ADGRD1: variants seen among roughly 807,000 people sequenced by gnomAD.
The protein encoded by ADGRD1 is adhesion G protein-coupled receptor D1, also known as G-protein coupled receptor 133.
ADGRD1 carries 77 observed loss-of-function variants against 113.4 expected under a neutral mutation model. That is an observed-to-expected ratio of 0.68 (90% confidence interval 0.57 to 0.82). The LOEUF (loss-of-function observed/expected upper bound fraction) is 0.82, where lower values mean the gene tolerates loss of function less well. Ranked by LOEUF, ADGRD1 falls within the 40% of genes least tolerant of loss-of-function variation. The pLI is 0.00. For missense variants in ADGRD1, 1,036 were observed against 1,139.1 expected, an observed-to-expected ratio of 0.91 and a Z score of 1.30; for synonymous variants, 474 against 475.0, an observed-to-expected ratio of 1.00 and a Z score of 0.03.
intron 15 of ADGRD1, among the ~76,000 whole-genome samples, chr12:131,092,557 A>G (rs914187459): frequency 1.3e-5 from 2 of 152,006 alleles, no homozygotes; most frequent in Non-Finnish European, 2.9e-5. Context: ...GCAGGTGGCC[A>G]CTTCCTCCCA....
chr12:131,015,229 C>G (rs575410781), intron 13 of ADGRD1, among the ~76,000 whole-genome samples: 11 of 152,354 alleles, frequency 7.2e-5, no homozygotes, highest in Admixed American at 2.0e-4. Flanking sequence ...TGGGAGGGGC[C>G]CACACACTTG....
At position 130,992,296 on chromosome 12, in the gene ADGRD1, C is replaced by A. The variant is rs1388473909; in HGVS notation, c.870C>A (p.Phe290Leu). The stretch of plus-strand genomic sequence containing the variant: ...ACCTGACAGAAGAGAGAAAAACCTT[C>A]CAAAGTCCCGGAGTGATACTGAGTT... ...ITNLTEERKTFQSPGVILSYL... is the reference protein window; with the variant it reads ...ITNLTEERKTLQSPGVILSYL... The change falls in exon 8 of 25, where the codon TTC (phenylalanine) becomes TTA (leucine). Residue 290 changes from phenylalanine to leucine, a missense_variant. Physicochemically the swap from Phe to Leu is conservative, Grantham distance 22. Coordinates refer to ENST00000261654, the MANE Select transcript of ADGRD1 (RefSeq NM_198827.5). The A allele has an allele frequency of 2.5e-6, 4 of 1,613,578 alleles. No homozygotes were observed. In the East Asian group the frequency reaches 8.9e-5, roughly 36 times the overall value.
intron 13 of ADGRD1, among the ~76,000 whole-genome samples, chr12:131,032,029 C>T (rs12315509): frequency 0.11 from 16,585 of 152,224 alleles, 1,248 homozygotes; most frequent in Non-Finnish European, 0.16. Flanking sequence ...GGGTTCCTGC[C>T]GCTGTGCCCC....
At chr12:131,080,762 A>G (rs1886003015) in intron 14 of ADGRD1, among the ~76,000 whole-genome samples, 1 of 152,072 alleles carries the variant, frequency 6.6e-6, no homozygotes, top group Admixed American at 6.5e-5. Context: ...CTGGGACTAC[A>G]GGCGCCCGCC....
chr12:130,997,952 C>T (rs936571269), intron 8 of ADGRD1, among the ~76,000 whole-genome samples: 7 of 152,176 alleles, frequency 4.6e-5, no homozygotes, highest in Admixed American at 6.5e-5. Context: ...CTGCAATCCC[C>T]GCACCTCCGG....
chr12:131,074,772 C>T (rs1885450236), intron 13 of ADGRD1, among the ~76,000 whole-genome samples: 1 of 152,166 alleles, frequency 6.6e-6, no homozygotes, highest in Non-Finnish European at 1.5e-5. Flanking sequence ...GTGATGGAAC[C>T]TCTGACGATG....
At chr12:131,032,170 C>G (rs1593078769) in intron 13 of ADGRD1, among the ~76,000 whole-genome samples, 1 of 121,244 alleles carries the variant, frequency 8.2e-6, no homozygotes, top group African/African-American at 2.6e-5. Context: ...AGGGCTCCCC[C>G]AGGCTCTACT....
chr12:131,003,052 G>A lies in ADGRD1; in HGVS notation c.1027-133G>A. 2 of 779,478 alleles carry A rather than the reference G, an allele frequency of 2.6e-6. No homozygotes were observed. The highest frequency in any genetic ancestry group is 3.6e-5 in the Admixed American group (2 of 56,328). 48.3% of individuals were successfully genotyped at this position (779,478 alleles called of 1,614,324 possible). On this transcript the variant is annotated intron_variant, in intron 9 of 24. Transcript: ENST00000261654. The surrounding 1 kb of genome is among the most constrained non-coding windows in gnomAD (Gnocchi z 4.8). ...TGGTCCCCTCCTGATCCATGGGAAG[G>A]GGCAGTTGTGTGACTTCTTCCTCCC... is the stretch of plus-strand genomic sequence containing the variant.
At chr12:131,015,108 G>C (rs553288218) in intron 13 of ADGRD1, among the ~76,000 whole-genome samples, 3 of 152,376 alleles carry the variant, frequency 2.0e-5, no homozygotes, top group Admixed American at 2.0e-4. Flanking sequence ...TTCCTGGCAG[G>C]ATTTTCTATT....
At chr12:131,077,441 G>C (rs948908481) in intron 14 of ADGRD1, among the ~76,000 whole-genome samples, 1 of 152,144 alleles carries the variant, frequency 6.6e-6, no homozygotes, top group East Asian at 1.9e-4. Context: ...GTCTCCTCCC[G>C]CCCTCCTAGC....
intron 24 of ADGRD1, 47 bp from the exon 25 acceptor site, chr12:131,139,121 C>T (rs777967172): frequency 6.8e-7 from 1 of 1,464,574 alleles, no homozygotes; most frequent in Non-Finnish European, 9.5e-7. Context: ...TTATGGCTCT[C>T]CCCCTGGGAG....
intron 24 of ADGRD1, among the ~76,000 whole-genome samples, chr12:131,138,478 G>T (rs1199961635): frequency 6.6e-6 from 1 of 152,160 alleles, no homozygotes; most frequent in Non-Finnish European, 1.5e-5. Context: ...GTTCACTTAG[G>T]GATGGAAGGA....
In ADGRD1 at chr12:130,966,992, A is replaced by G. The variant is rs1211416019; in HGVS notation, c.187+446A>G. 1 of 453,498 alleles carries G rather than the reference A, an allele frequency of 2.2e-6. No homozygotes were observed. Among genetic ancestry groups the G allele is most frequent in the Non-Finnish European group, 4.5e-6 (1 of 224,586 alleles). The allele number at this position is 453,498 out of a possible 1,614,324, so 28.1% of individuals were successfully genotyped here. A position where few individuals can be genotyped will look rare whatever the true frequency, so the allele number is the denominator to read the frequency against. ...AATGGGAGAATTTCTGATTCAAAAT[A>G]TGATTAAAATGTGCATTTTCCCCAA... is the stretch of plus-strand genomic sequence containing the variant. On this transcript the variant is annotated intron_variant, in intron 3 of 24. Coordinates refer to ENST00000261654, the MANE Select transcript of ADGRD1 (RefSeq NM_198827.5). The surrounding 1 kb of genome is among the most constrained non-coding windows in gnomAD (Gnocchi z 4.6).
chr12:131,044,300 A>C (rs946689592), intron 13 of ADGRD1, among the ~76,000 whole-genome samples: 1 of 152,180 alleles, frequency 6.6e-6, no homozygotes, highest in African/African-American at 2.4e-5. Flanking sequence ...GCACAAAAGC[A>C]TCGGGGCCGA....
Position 131,130,764 on chromosome 12 carries a change from G to T in ADGRD1, c.2176-961G>T, listed in dbSNP as rs569312671. ...CCGGCCCATCCCGTGCGGGGGGAGA[G>T]CGAAGCTGGCCATCCCGTGCGGGGC... On this transcript the variant is annotated intron_variant, in intron 20 of 24. Coordinates refer to ENST00000261654, the MANE Select transcript of ADGRD1 (RefSeq NM_198827.5). Among the ~76,000 whole-genome samples, 21 of 150,054 alleles carry T rather than the reference G, an allele frequency of 1.4e-4. No individual in the cohort carries two copies. The South Asian group carries it at 4.4e-3, about 31-fold the overall frequency.
chr12:131,049,496 G>A (rs1166924992), intron 13 of ADGRD1, among the ~76,000 whole-genome samples: 1 of 152,240 alleles, frequency 6.6e-6, no homozygotes, highest in African/African-American at 2.4e-5. Flanking sequence ...TGTTGACTAT[G>A]TCACTTCCTA....
At chr12:131,048,923 A>G (rs963850337) in intron 13 of ADGRD1, among the ~76,000 whole-genome samples, 2 of 152,010 alleles carry the variant, frequency 1.3e-5, no homozygotes, top group Non-Finnish European at 2.9e-5. Flanking sequence ...GGGCAAGAGG[A>G]GGGGTCTGAG....
chr12:130,969,020 T>C (rs1871315972), intron 3 of ADGRD1: 1 of 1,535,294 alleles, frequency 6.5e-7, no homozygotes, highest in Non-Finnish European at 8.7e-7. Flanking sequence ...CCCGTAATGC[T>C]ACTTTTGTGT....
rs568507410 is a variant in ADGRD1 at position 131,046,859 on chromosome 12, G to A, written c.1474-29942G>A. Among the ~76,000 whole-genome samples the A allele has an allele frequency of 2.2e-3, 298 of 135,292 alleles. 1 individual carries two copies. Among genetic ancestry groups the A allele is most frequent in the African/African-American group, 8.2e-3 (286 of 34,946 alleles). 88.8% of individuals were successfully genotyped at this position (135,292 alleles called of 152,430 possible). A position where few individuals can be genotyped will look rare whatever the true frequency, so the allele number is the denominator to read the frequency against. On this transcript the variant is annotated intron_variant, in intron 13 of 24. Coordinates refer to ENST00000261654, the MANE Select transcript of ADGRD1 (RefSeq NM_198827.5). ...CCCTCCCTGGTCAGTGTCCTCCCTGGTCAGTGTCCTCCCTGGTCAGTGCTC... is the reference window on the plus strand; with the variant it reads ...CCCTCCCTGGTCAGTGTCCTCCCTGATCAGTGTCCTCCCTGGTCAGTGCTC...
Sources: allele counts gnomAD v4.1 joint callset (sites outside exome capture counted in the v4.1 genomes callset), GRCh38; gene constraint gnomAD v4.1.1; non-coding constraint Gnocchi (gnomAD v3.1); transcripts MANE v1.5; gene names NCBI Gene and HGNC (gene_info 2026-07-23, HGNC 2026-07-21).